The following MTHFSD variants were observed in gnomAD, a reference collection of about 807,000 sequenced individuals.
MTHFSD encodes methenyltetrahydrofolate synthase domain-containing protein.
Under a neutral mutation model 31.1 loss-of-function variants are expected in MTHFSD, and 37 were observed. That is an observed-to-expected ratio of 1.19 (90% CI 0.91 to 1.56). The LOEUF (loss-of-function observed/expected upper bound fraction) is 1.56. Among genes scored for constraint, MTHFSD ranks in the 40% most tolerant of loss-of-function variants. The probability of loss-of-function intolerance (pLI) is 0.00; values close to 1 mark genes in which losing one functional copy is unlikely to be tolerated. For missense variants in MTHFSD, 664 were observed against 510.1 expected, an observed-to-expected ratio of 1.30 and a Z score of -2.91; for synonymous variants, 221 against 206.9, an observed-to-expected ratio of 1.07 and a Z score of -0.59.
chr16:86,548,471 G>A lies in MTHFSD; in HGVS notation c.344C>T (p.Thr115Ile). ...ATTGCTTCTGGTACTTACCTGAGAGGTGGCACATTTTCTCAAGATGTCTTT... is the reference window on the plus strand; with the variant it reads ...ATTGCTTCTGGTACTTACCTGAGAGATGGCACATTTTCTCAAGATGTCTTT... ...ATKDILRKCA[T>I]SQGVRNYSVP... Residue 115 changes from threonine to isoleucine, a missense_variant, in exon 4 of 8, where the codon ACC (threonine) becomes ATC (isoleucine). Physicochemically the swap from Thr to Ile is moderately conservative, Grantham distance 89. Transcript: ENST00000360900. The A allele has an allele frequency of 6.2e-7, 1 of 1,612,968 alleles. No individual in the cohort carries two copies.
chr16:86,535,302 C>T, intron 7 of MTHFSD: 1 of 936,016 alleles, frequency 1.1e-6, no homozygotes, highest in East Asian at 1.2e-4. Flanking sequence ...CAAGGCTTCA[C>T]ATCAGCTCCC....
chr16:86,546,920 C>T (rs776966680), intron 4 of MTHFSD, among the ~76,000 whole-genome samples: 5 of 152,172 alleles, frequency 3.3e-5, no homozygotes, highest in Admixed American at 1.3e-4. Flanking sequence ...TTTAACAAAT[C>T]GTTTTTCCCC....
chr16:86,552,402 C>G, intron 2 of MTHFSD: 1 of 876,046 alleles, frequency 1.1e-6, no homozygotes, highest in Non-Finnish European at 1.7e-6. Context: ...AACAGTCACC[C>G]AAAGAAACAT....
intron 3 of MTHFSD, among the ~76,000 whole-genome samples, chr16:86,549,163 A>T (rs1972767875): frequency 1.3e-5 from 2 of 152,196 alleles, no homozygotes; most frequent in South Asian, 4.1e-4. Flanking sequence ...GGGCTTCTCA[A>T]AGTGAGGGCC....
chr16:86,548,180 G>A (rs1217776558), intron 4 of MTHFSD: 3 of 1,210,784 alleles, frequency 2.5e-6, no homozygotes, highest in Non-Finnish European at 3.3e-6. Context: ...ACCGGGCAGT[G>A]CCAGAGAACC....
intron 3 of MTHFSD, among the ~76,000 whole-genome samples, chr16:86,549,389 G>C (rs968979997): frequency 4.6e-5 from 7 of 152,228 alleles, no homozygotes; most frequent in Non-Finnish European, 1.5e-5. Flanking sequence ...TTTAGTTTTT[G>C]AGCAGGAGAT....
rs994906635 is a variant in MTHFSD, at chr16:86,530,901, G to A, written c.*1110C>T. Reference sequence around the variant, plus strand: ...CTTGGGAAGGAAATCTGTCTTTAATGAGCAAATGTAAGGCTGCGTTTTCTT... The same window carrying A: ...CTTGGGAAGGAAATCTGTCTTTAATAAGCAAATGTAAGGCTGCGTTTTCTT... On this transcript the variant is annotated 3_prime_UTR_variant, in exon 8 of 8. Transcript: ENST00000360900. 2 of 152,224 alleles carry A rather than the reference G, an allele frequency of 1.3e-5. No homozygotes were observed. The highest frequency in any genetic ancestry group is 2.4e-5 in the African/African-American group (1 of 41,456). 9.4% of individuals were successfully genotyped at this position (152,224 alleles called of 1,614,324 possible). A position where few individuals can be genotyped will look rare whatever the true frequency, so the allele number is the denominator to read the frequency against.
At chr16:86,548,995 A>G (rs1972742270) in intron 3 of MTHFSD, among the ~76,000 whole-genome samples, 1 of 152,244 alleles carries the variant, frequency 6.6e-6, no homozygotes, top group Admixed American at 6.5e-5. Context: ...GGCATGGCAT[A>G]GCTACCTTAG....
chr16:86,546,548 G>C lies in MTHFSD; in HGVS notation c.442+11C>G. On this transcript the variant is annotated intron_variant, in intron 5 of 7. Transcript: ENST00000360900. ...CTGTCACACTCAAGGGTTCCCATCT[G>C]CTAGTCTTACCTTTTTCAGAAACGG... 1 of 1,612,660 alleles carries C rather than the reference G, an allele frequency of 6.2e-7. No homozygotes were observed.
rs1971555382 is a variant in MTHFSD at position 86,541,761 on chromosome 16, G to A, written c.617C>T (p.Thr206Ile). The change falls in exon 7 of 8, where the codon ACT becomes ATT. Residue 206 changes from threonine to isoleucine, a missense_variant. Coordinates refer to ENST00000360900, the MANE Select transcript of MTHFSD (RefSeq NM_001159377.2). ...GCCTGTGGCGATGACTCTGGTTGGA[G>A]TGAGGATGTAGTCCACAGTGATGTC... ...EHDITVDYIL[T>I]PTRVIATGCK... 2 of 1,614,224 alleles carry A rather than the reference G, an allele frequency of 1.2e-6. No homozygotes were observed. Among genetic ancestry groups the A allele is most frequent in the East Asian group, 2.2e-5 (1 of 44,884 alleles).
intron 7 of MTHFSD, 66 bp from the exon 8 acceptor site, chr16:86,532,547 T>C: frequency 7.9e-7 from 1 of 1,268,144 alleles, no homozygotes; most frequent in African/African-American, 1.5e-5. Flanking sequence ...CACACACGCA[T>C]CCACACCTCT....
intron 7 of MTHFSD, chr16:86,535,312 C>T (rs966294531): frequency 1.0e-6 from 1 of 961,972 alleles, no homozygotes; most frequent in African/African-American, 2.1e-5. Context: ...CATCAGCTCC[C>T]TCCTCCTCAA....
rs1353059274 is a variant in MTHFSD, at chr16:86,541,692, C to G, written c.681+5G>C. On this transcript the variant is annotated splice_donor_5th_base_variant and intron_variant, in intron 7 of 7. Coordinates refer to ENST00000360900, the MANE Select transcript of MTHFSD (RefSeq NM_001159377.2). ...AGGCCAGAGCTGGCCACTGCCGTGACCCACCTTGAACCAGGTGATTCCCAT... is the reference window on the plus strand; with the variant it reads ...AGGCCAGAGCTGGCCACTGCCGTGAGCCACCTTGAACCAGGTGATTCCCAT... 5.0e-6 allele frequency: 8 copies of G among 1,612,270 alleles called. No homozygotes were observed. Among genetic ancestry groups the G allele is most frequent in the Non-Finnish European group, 6.8e-6 (8 of 1,179,318 alleles).
At chr16:86,551,546 T>C (rs1252806093) in intron 3 of MTHFSD, among the ~76,000 whole-genome samples, 1 of 152,254 alleles carries the variant, frequency 6.6e-6, no homozygotes, top group East Asian at 1.9e-4. Flanking sequence ...ATTTAAAAAG[T>C]TCAGCAGTGT....
intron 5 of MTHFSD, among the ~76,000 whole-genome samples, chr16:86,546,080 G>A (rs1972255915): frequency 6.6e-6 from 1 of 151,612 alleles, no homozygotes; most frequent in African/African-American, 2.4e-5. Flanking sequence ...CTGAGAAGAA[G>A]TCTCGGACAC....
chr16:86,543,430 G>A (rs1381192197), intron 5 of MTHFSD, among the ~76,000 whole-genome samples: 1 of 152,188 alleles, frequency 6.6e-6, no homozygotes, highest in Non-Finnish European at 1.5e-5. Flanking sequence ...CTATCCCACA[G>A]AACATACTTC....
chr16:86,554,803 T>C, intron 1 of MTHFSD, 52 bp from the exon 2 acceptor site: 1 of 1,493,628 alleles, frequency 6.7e-7, no homozygotes, highest in Non-Finnish European at 9.3e-7. Flanking sequence ...CCAGAGCCCA[T>C]GCTGAAACCG....
intron 7 of MTHFSD, 143 bp downstream of exon 7, chr16:86,541,554 G>A (rs762733673): frequency 3.5e-6 from 4 of 1,153,636 alleles, no homozygotes; most frequent in South Asian, 1.5e-5. Flanking sequence ...TCATTCAGGA[G>A]CCAAATTGCT....
intron 7 of MTHFSD, 68 bp from the exon 8 acceptor site, chr16:86,532,549 C>G (rs1454161125): frequency 7.9e-7 from 1 of 1,261,732 alleles, no homozygotes; most frequent in Non-Finnish European, 1.0e-6. Context: ...CACACGCATC[C>G]ACACCTCTGA....
Sources: gnomAD v4.1 joint callset for allele counts (sites outside exome capture counted in the v4.1 genomes callset) on GRCh38, gnomAD v4.1.1 for gene constraint, MANE v1.5 for transcripts, NCBI Gene and HGNC (gene_info 2026-07-23, HGNC 2026-07-21) for gene names.